The following TM4SF19 variants were observed in gnomAD, a reference collection of about 807,000 sequenced individuals.
TM4SF19 encodes transmembrane 4 L6 family member 19.
In TM4SF19, 17 loss-of-function variants were observed where a neutral mutation model predicts 21.8. The observed-to-expected ratio is 0.78, with a 90% confidence interval of 0.53 to 1.17. The LOEUF (loss-of-function observed/expected upper bound fraction) is 1.17, where lower values mean the gene tolerates loss of function less well. TM4SF19 is among the 50% of genes most tolerant of loss of function. TM4SF19 has a pLI of 0.00. For synonymous variants in TM4SF19, 107 were observed against 106.7 expected (o/e 1.00, Z -0.02); for missense variants, 216 against 252.1 (o/e 0.86, Z 0.97).
Position 196,331,577 on chromosome 3 carries a change from CAGG to C in TM4SF19, c.-1-3989_-1-3987del, listed in dbSNP as rs1014376198. Among the ~76,000 whole-genome samples, 641 of 151,088 alleles carry C rather than the reference CAGG, an allele frequency of 4.2e-3. 4 individuals are homozygous for C. The highest frequency in any genetic ancestry group is 0.015 in the African/African-American group (607 of 41,260). ...CCAAAGCCGGCAGATCACCTGAGGT[CAGG>C]AGTTCAAGACCAGCCTGGCCATCAT... On this transcript the variant is annotated intron_variant, in intron 1 of 4. Coordinates refer to ENST00000273695, the MANE Select transcript of TM4SF19 (RefSeq NM_138461.4).
At position 196,323,944 on chromosome 3, in the gene TM4SF19, G is replaced by T. The variant is rs1170569790; in HGVS notation, c.503C>A (p.Ala168Glu). Residue 168 changes from alanine (A) to glutamate (E), a missense_variant, in exon 5 of 5, where the codon GCA becomes GAA. Coordinates refer to ENST00000273695, the MANE Select transcript of TM4SF19 (RefSeq NM_138461.4). ...GAGGGACACGTGCCAGACAACAGCT[G>T]CAGAGGGCTCCAGGCAGACGGAGTT... ...LWNSVCLEPSAAVVWHVSLFS... is the reference protein window; with the variant it reads ...LWNSVCLEPSEAVVWHVSLFS... The T allele has an allele frequency of 6.2e-7, 1 of 1,614,122 alleles. No homozygotes were observed. Among genetic ancestry groups the T allele is most frequent in the Non-Finnish European group, 8.5e-7 (1 of 1,180,028 alleles).
At chr3:196,332,675 C>T (rs899140482) in intron 1 of TM4SF19, among the ~76,000 whole-genome samples, 3 of 151,660 alleles carry the variant, frequency 2.0e-5, no homozygotes, top group African/African-American at 4.8e-5. Flanking sequence ...AGAGCTCCAG[C>T]GGATACCTGA....
rs1464333781 is a variant in TM4SF19 at position 196,325,806 on chromosome 3, C to G, written c.279+1149G>C. On this transcript the variant is annotated intron_variant, in intron 3 of 4. Transcript: ENST00000273695. This position sits in a 1 kb window ranked among gnomAD's most constrained non-coding sequence, Gnocchi z 4.3. ...AGAAATGCAAAACTTCCCCGCCATC[C>G]TGAATCAGAAACTCTGGGGAGGGAG... is the stretch of plus-strand genomic sequence containing the variant. 2.0e-5 allele frequency among the ~76,000 whole-genome samples: 3 copies of G among 152,212 alleles called. No individual in the cohort carries two copies. In the South Asian group the frequency reaches 6.2e-4, roughly 32 times the overall value.
intron 1 of TM4SF19, among the ~76,000 whole-genome samples, chr3:196,332,957 C>T (rs1291514479): frequency 6.6e-6 from 1 of 150,438 alleles, no homozygotes; most frequent in African/African-American, 2.4e-5. Context: ...TCAAGTGATC[C>T]TCCCACCTCA....
At position 196,324,390 on chromosome 3, in the gene TM4SF19, A is replaced by C; in HGVS notation, c.330T>G (p.Ile110Met). ...SGGLALLGAL[I>M]CFVTSGVALK... ...GAGCAACTCCAGAAGTGACAAAGCA[A>C]ATCAGGGCTCCAAGTAAAGCCAGGC... is the stretch of plus-strand genomic sequence containing the variant. Residue 110 changes from isoleucine (I) to methionine (M), a missense_variant, in exon 4 of 5, where the codon ATT (isoleucine) becomes ATG (methionine). Physicochemically the swap from Ile to Met is conservative, Grantham distance 10. Transcript: ENST00000273695. The C allele has an allele frequency of 6.2e-7, 1 of 1,614,216 alleles. No individual in the cohort carries two copies. The highest frequency in any genetic ancestry group is 8.5e-7 in the Non-Finnish European group (1 of 1,180,038).
At chr3:196,328,553 T>TATA (rs1727395172) in intron 1 of TM4SF19, among the ~76,000 whole-genome samples, 1 of 152,160 alleles carries the variant, frequency 6.6e-6, no homozygotes. Context: ...GCAAGACCTA[T>TATA]ATAGTAAGAA....
intron 1 of TM4SF19, among the ~76,000 whole-genome samples, chr3:196,331,658 A>G (rs964765129): frequency 1.1e-4 from 17 of 151,742 alleles, no homozygotes; most frequent in African/African-American, 2.9e-4. Context: ...GTGGTGGCGC[A>G]TGCCTGTAAT....
intron 1 of TM4SF19, among the ~76,000 whole-genome samples, chr3:196,335,717 G>A (rs1488550868): frequency 2.0e-5 from 3 of 151,948 alleles, no homozygotes; most frequent in Admixed American, 6.6e-5. Context: ...GGAGCAGGGC[G>A]CCTGTGGAGA....
chr3:196,333,245 G>A (rs1231206531), intron 1 of TM4SF19, among the ~76,000 whole-genome samples: 1 of 152,224 alleles, frequency 6.6e-6, no homozygotes, highest in East Asian at 1.9e-4. Flanking sequence ...TGATGATGGA[G>A]TTAGGTCCCT....
In TM4SF19 at chr3:196,325,756, G is replaced by A. The variant is rs1020332222; in HGVS notation, c.279+1199C>T. 5.9e-5 allele frequency among the ~76,000 whole-genome samples: 9 copies of A among 152,076 alleles called. No homozygotes were observed. The highest frequency in any genetic ancestry group is 2.6e-4 in the Admixed American group (4 of 15,258). ...CCCAAAATGGGGTCCCTGCCCAGCC[G>A]CATCACATCACCTGAGAACCTGTTA... On this transcript the variant is annotated intron_variant, in intron 3 of 4. Coordinates refer to ENST00000273695, the MANE Select transcript of TM4SF19 (RefSeq NM_138461.4). The surrounding 1 kb of genome is among the most constrained non-coding windows in gnomAD (Gnocchi z 4.3).
intron 1 of TM4SF19, among the ~76,000 whole-genome samples, chr3:196,332,629 A>ACG (rs1005343393): frequency 4.6e-5 from 7 of 152,102 alleles, no homozygotes; most frequent in African/African-American, 1.2e-4. Context: ...ACACACACAC[A>ACG]CAATAGTCCC....
At chr3:196,335,507 G>A (rs1727718698) in intron 1 of TM4SF19, among the ~76,000 whole-genome samples, 1 of 147,686 alleles carries the variant, frequency 6.8e-6, no homozygotes, top group African/African-American at 2.5e-5. Flanking sequence ...GGGAGGGTGG[G>A]GGTAGGAGAG....
At chr3:196,334,432 A>G (rs1250058031) in intron 1 of TM4SF19, among the ~76,000 whole-genome samples, 1 of 151,188 alleles carries the variant, frequency 6.6e-6, no homozygotes, top group African/African-American at 2.4e-5. Context: ...TGGAGCTCAG[A>G]AACAGACCCG....
intron 1 of TM4SF19, among the ~76,000 whole-genome samples, chr3:196,335,627 G>C (rs965417128): frequency 1.3e-5 from 2 of 151,458 alleles, no homozygotes; most frequent in African/African-American, 4.9e-5. Context: ...GGAGGGATGG[G>C]GTGTCTCTTC....
intron 1 of TM4SF19, among the ~76,000 whole-genome samples, chr3:196,334,615 G>A (rs1027122324): frequency 6.6e-6 from 1 of 151,880 alleles, no homozygotes; most frequent in Non-Finnish European, 1.5e-5. Flanking sequence ...CACCATGCCC[G>A]GCTAATTTTT....
chr3:196,323,882 G>A lies in TM4SF19; in HGVS notation c.565C>T (p.Leu189Phe). 1 of 1,614,212 alleles carries A rather than the reference G, an allele frequency of 6.2e-7. No individual in the cohort carries two copies. Among genetic ancestry groups the A allele is most frequent in the Non-Finnish European group, 8.5e-7 (1 of 1,180,054 alleles). The part of the protein sequence containing the change: ...ALLCISLLQL[L>F]LVVVHVINSL... ...TTGATGACATGAACGACCACCAGGA[G>A]AAGCTGGAGCAGGCTGATGCACAGA... Residue 189 changes from leucine (L) to phenylalanine (F), a missense_variant, in exon 5 of 5, where the codon CTC becomes TTC. Physicochemically the swap from Leu to Phe is conservative, Grantham distance 22. Transcript: ENST00000273695.
Position 196,329,646 on chromosome 3 carries a change from G to A in TM4SF19, c.-1-2055C>T, listed in dbSNP as rs1170910432. ...CGCGCCACTGCACTTCAGCCTGGGC[G>A]ACAAGAGCAAGCGACTCCATCTAAA... On this transcript the variant is annotated intron_variant, in intron 1 of 4. Coordinates refer to ENST00000273695, the MANE Select transcript of TM4SF19 (RefSeq NM_138461.4). Among the ~76,000 whole-genome samples the A allele has an allele frequency of 1.7e-5, 2 of 116,906 alleles. 1 individual carries two copies. The highest frequency in any genetic ancestry group is 3.7e-5 in the Non-Finnish European group (2 of 54,524). The allele number at this position is 116,906 out of a possible 152,430, so 76.7% of individuals were successfully genotyped here.
At position 196,327,264 on chromosome 3, in the gene TM4SF19, G is replaced by A. The variant is rs2108806804; in HGVS notation, c.201+126C>T. 6.0e-6 allele frequency: 6 copies of A among 991,872 alleles called. No homozygotes were observed. In the South Asian group the frequency reaches 6.4e-5, roughly 11 times the overall value. The allele number at this position is 991,872 out of a possible 1,614,324, so 61.4% of individuals were successfully genotyped here. ...CTTCCTGTCTCTTAGAGCTTCTACA[G>A]ACCCAAGATCAGCTTGTTAGAATAA... On this transcript the variant is annotated intron_variant, in intron 2 of 4. Transcript: ENST00000273695.
At chr3:196,331,005 G>A (rs1051910106) in intron 1 of TM4SF19, among the ~76,000 whole-genome samples, 4 of 152,150 alleles carry the variant, frequency 2.6e-5, no homozygotes, top group African/African-American at 9.7e-5. Flanking sequence ...CGGGCACGGT[G>A]ACTTACACCT....
Sources: gnomAD v4.1 joint callset for allele counts (sites outside exome capture counted in the v4.1 genomes callset) on GRCh38, gnomAD v4.1.1 for gene constraint, Gnocchi (gnomAD v3.1) non-coding constraint, MANE v1.5 for transcripts, NCBI Gene and HGNC (gene_info 2026-07-23, HGNC 2026-07-21) for gene names.